The following GRID2 variants were observed in gnomAD, a reference collection of about 807,000 sequenced individuals.
The protein encoded by GRID2 is glutamate receptor ionotropic, delta-2.
GRID2 carries 33 observed loss-of-function variants against 114.8 expected under a neutral mutation model. That is an observed-to-expected ratio of 0.29 (90% CI 0.22 to 0.38). GRID2 has a LOEUF of 0.38. Ranked by LOEUF, GRID2 falls within the 10% of genes least tolerant of loss-of-function variation. The pLI is 1.00. For missense variants in GRID2, 1,184 were observed against 1,257.7 expected (o/e 0.94, Z 0.89); for synonymous variants, 505 against 449.9 (o/e 1.12, Z -1.55).
rs1177827282 is a variant in GRID2 at position 92,600,047 on chromosome 4, T to TAA, written c.244+9762_244+9763insAA. Among the ~76,000 whole-genome samples the TAA allele has an allele frequency of 3.5e-3, 113 of 32,734 alleles. 1 individual carries two copies. The highest frequency in any genetic ancestry group is 0.016 in the Middle Eastern group (1 of 62). 21.5% of individuals were successfully genotyped at this position (32,734 alleles called of 152,430 possible). A position where few individuals can be genotyped will look rare whatever the true frequency, so the allele number is the denominator to read the frequency against. ...GTATGTGTGTGTGTGTGTGTGTGTA[T>TAA]ATATATATATATATATATATATATA... On this transcript the variant is annotated intron_variant, in intron 2 of 15. Transcript: ENST00000282020.
chr4:92,566,041 AG>A (rs1224445853), intron 1 of GRID2, among the ~76,000 whole-genome samples: 2 of 151,912 alleles, frequency 1.3e-5, no homozygotes, highest in Non-Finnish European at 2.9e-5. Flanking sequence ...GAAACAGTGG[AG>A]GTTCATGTGT....
intron 2 of GRID2, among the ~76,000 whole-genome samples, chr4:92,984,102 T>G (rs1261947935): frequency 6.6e-6 from 1 of 152,248 alleles, no homozygotes; most frequent in Non-Finnish European, 1.5e-5. Flanking sequence ...CAGCTATAAA[T>G]ATTTTTCATA....
At chr4:92,721,703 A>G (rs992096092) in intron 2 of GRID2, among the ~76,000 whole-genome samples, 4 of 152,108 alleles carry the variant, frequency 2.6e-5, no homozygotes, top group Non-Finnish European at 4.4e-5. Flanking sequence ...CTTTTTCTGT[A>G]AATATTTTGT....
intron 2 of GRID2, among the ~76,000 whole-genome samples, chr4:92,755,063 CT>C (rs749076121): frequency 7.4e-4 from 113 of 152,222 alleles, no homozygotes; most frequent in African/African-American, 2.3e-3. Flanking sequence ...TGACAGGAGG[CT>C]GTGTCTAAAG....
intron 2 of GRID2, among the ~76,000 whole-genome samples, chr4:92,804,929 C>T (rs747417120): frequency 2.0e-5 from 3 of 151,986 alleles, no homozygotes; most frequent in Admixed American, 2.0e-4. Flanking sequence ...TGATAACTTA[C>T]ATTATCCAAC....
intron 2 of GRID2, among the ~76,000 whole-genome samples, chr4:92,895,981 A>G (rs1485360229): frequency 6.6e-6 from 1 of 152,190 alleles, no homozygotes; most frequent in Admixed American, 6.5e-5. Flanking sequence ...TAACAGAAAA[A>G]TGAAACAGTT....
chr4:92,751,356 A>G (rs1347435266), intron 2 of GRID2, among the ~76,000 whole-genome samples: 1 of 152,184 alleles, frequency 6.6e-6, no homozygotes, highest in Non-Finnish European at 1.5e-5. Context: ...ATTATTTGTC[A>G]GCTATAAGGC....
intron 2 of GRID2, among the ~76,000 whole-genome samples, chr4:92,886,782 C>A: frequency 6.6e-6 from 1 of 151,932 alleles, no homozygotes; most frequent in East Asian, 1.9e-4. Flanking sequence ...CCCGCCACCA[C>A]GTCCGGCTAA....
At chr4:93,634,742 C>T (rs1391366240) in intron 14 of GRID2, among the ~76,000 whole-genome samples, 4 of 151,910 alleles carry the variant, frequency 2.6e-5, no homozygotes, top group Non-Finnish European at 5.9e-5. Flanking sequence ...AGTATTCTAG[C>T]TGGGAAGCAG....
intron 1 of GRID2, among the ~76,000 whole-genome samples, chr4:92,548,853 A>G (rs2149170635): frequency 6.6e-6 from 1 of 152,172 alleles, no homozygotes; most frequent in Admixed American, 6.5e-5. Flanking sequence ...ATCGCCAGAG[A>G]AGGAGGAAGT....
chr4:92,342,190 C>T (rs192708062), intron 1 of GRID2, among the ~76,000 whole-genome samples: 21 of 152,066 alleles, frequency 1.4e-4, no homozygotes, highest in African/African-American at 4.6e-4. Context: ...TATATATATA[C>T]ACCCATAAAT....
intron 1 of GRID2, among the ~76,000 whole-genome samples, chr4:92,321,442 T>C (rs1052780562): frequency 2.6e-5 from 4 of 152,222 alleles, no homozygotes; most frequent in Admixed American, 2.6e-4. Context: ...TCTTTCTGTC[T>C]CTTTGCATCT....
chr4:92,943,647 G>T (rs1305744525), intron 2 of GRID2, among the ~76,000 whole-genome samples: 2 of 152,178 alleles, frequency 1.3e-5, no homozygotes, highest in African/African-American at 2.4e-5. Flanking sequence ...TGGAGGAGGA[G>T]AGGTGCTCTG....
rs78819482 is a variant in GRID2, at chr4:92,631,610, A to G, written c.244+41324A>G. Among the ~76,000 whole-genome samples, 1,467 of 152,228 alleles carry G rather than the reference A, an allele frequency of 9.6e-3. 21 individuals are homozygous for G. Among genetic ancestry groups the G allele is most frequent in the African/African-American group, 0.034 (1,394 of 41,570 alleles). ...TGTGATAGAGAAGTCTCATTTGTAC[A>G]TAAGAGTTTTAACTTTTTGTTTTAA... On this transcript the variant is annotated intron_variant, in intron 2 of 15. Transcript: ENST00000282020.
intron 5 of GRID2, among the ~76,000 whole-genome samples, chr4:93,216,328 C>A (rs1443058652): frequency 6.6e-6 from 1 of 151,772 alleles, no homozygotes; most frequent in Non-Finnish European, 1.5e-5. Flanking sequence ...GTGTATAACT[C>A]TTACATGGCA....
chr4:92,339,549 T>TA (rs35060207), intron 1 of GRID2, among the ~76,000 whole-genome samples: 28,484 of 152,044 alleles, frequency 0.19, 3,953 homozygotes, highest in African/African-American at 0.4. Flanking sequence ...AGTAACCCTA[T>TA]AAATGGAGAT....
intron 2 of GRID2, among the ~76,000 whole-genome samples, chr4:92,611,146 ATGTGTG>A (rs57724105): frequency 7.3e-6 from 1 of 136,126 alleles, no homozygotes; most frequent in Non-Finnish European, 1.6e-5. Flanking sequence ...GTGTGTGTGC[ATGTGTG>A]TGTGTGTGTG....
intron 2 of GRID2, among the ~76,000 whole-genome samples, chr4:92,626,229 G>C (rs558696808): frequency 6.6e-6 from 1 of 152,010 alleles, no homozygotes; most frequent in African/African-American, 2.4e-5. Context: ...GTGGCCTAGA[G>C]ATTTTTAAAT....
Position 92,926,376 on chromosome 4 carries a change from T to C in GRID2, c.245-158619T>C, listed in dbSNP as rs1388794106. 2.6e-5 allele frequency among the ~76,000 whole-genome samples: 4 copies of C among 152,032 alleles called. No homozygotes were observed. In the East Asian group the frequency reaches 7.7e-4, roughly 29 times the overall value. ...ATTTTGTAGTGGTGACAATTTGTTG[T>C]GTGAATCAGTATGTACAATGAAGAG... On this transcript the variant is annotated intron_variant, in intron 2 of 15. Coordinates refer to ENST00000282020, the MANE Select transcript of GRID2 (RefSeq NM_001510.4).
Sources: allele counts gnomAD v4.1 joint callset (sites outside exome capture counted in the v4.1 genomes callset), GRCh38; gene constraint gnomAD v4.1.1; transcripts MANE v1.5; gene names NCBI Gene and HGNC (gene_info 2026-07-23, HGNC 2026-07-21).